The following IL1RAPL2 variants were observed in gnomAD, a reference collection of about 807,000 sequenced individuals.
The protein encoded by IL1RAPL2 is interleukin 1 receptor accessory protein like 2.
Under a neutral mutation model 44.1 loss-of-function variants are expected in IL1RAPL2, and 3 were observed. The observed-to-expected ratio is 0.07, with a 90% CI of 0.03 to 0.18. The LOEUF (loss-of-function observed/expected upper bound fraction) is 0.18. IL1RAPL2 is among the 10% of genes least tolerant of loss of function. IL1RAPL2 has a pLI of 1.00. For missense variants in IL1RAPL2, 391 were observed against 496.4 expected, an observed-to-expected ratio of 0.79 and a Z score of 2.02; for synonymous variants, 181 against 178.8, an observed-to-expected ratio of 1.01 and a Z score of -0.10.
intron 5 of IL1RAPL2, among the ~76,000 whole-genome samples, chrX:105,389,909 C>T (rs2035508534): frequency 9.0e-6 from 1 of 110,969 alleles, no homozygotes; most frequent in African/African-American, 3.3e-5. Flanking sequence ...CTCCCCACCA[C>T]TTCTCCCAAC....
chrX:105,121,953 A>G (rs771178279), intron 2 of IL1RAPL2, among the ~76,000 whole-genome samples: 270 of 111,078 alleles, frequency 2.4e-3, no homozygotes, highest in Non-Finnish European at 4.5e-3. Flanking sequence ...CACTCAGAAA[A>G]GTCATTTTAA....
chrX:105,315,915 G>A (rs2034837199), intron 5 of IL1RAPL2, among the ~76,000 whole-genome samples: 1 of 109,205 alleles, frequency 9.2e-6, no homozygotes, highest in South Asian at 4.1e-4. Context: ...TTTTGATGAG[G>A]CTGGTGAAAA....
In IL1RAPL2 at chrX:105,447,865, ATATAT is replaced by A. The variant is rs1263675099; in HGVS notation, c.698-36443_698-36439del. ...CATATAAATATATAAATATATATAAATATATTATACATATAAATATATAAATATAT... is the reference window on the plus strand; with the variant it reads ...CATATAAATATATAAATATATATAAATATACATATAAATATATAAATATAT... On this transcript the variant is annotated intron_variant, in intron 5 of 10. Transcript: ENST00000372582. 8.5e-5 allele frequency among the ~76,000 whole-genome samples: 8 copies of A among 93,602 alleles called. No homozygotes were observed. In the South Asian group the frequency reaches 2.3e-3, roughly 27 times the overall value. The allele number at this position is 93,602 out of a possible 115,157, so 81.3% of individuals were successfully genotyped here.
chrX:105,750,303 TCTCA>T (rs1179449785), intron 9 of IL1RAPL2, among the ~76,000 whole-genome samples: 1 of 90,308 alleles, frequency 1.1e-5, no homozygotes, highest in Non-Finnish European at 2.1e-5. Context: ...TGAGACAGAG[TCTCA>T]CTGTCACCCA....
At chrX:105,035,338 G>A (rs150463623) in intron 2 of IL1RAPL2, among the ~76,000 whole-genome samples, 109 of 112,008 alleles carry the variant, frequency 9.7e-4, no homozygotes, top group African/African-American at 3.3e-3. Context: ...TGTCACTCAC[G>A]CTAGGAGCTG....
intron 4 of IL1RAPL2, among the ~76,000 whole-genome samples, chrX:105,237,202 T>G (rs2034127739): frequency 8.9e-6 from 1 of 112,413 alleles, no homozygotes; most frequent in Non-Finnish European, 1.9e-5. Flanking sequence ...CTGCATAGTA[T>G]TCCATGGTGT....
At chrX:105,078,934 C>A (rs928465967) in intron 2 of IL1RAPL2, among the ~76,000 whole-genome samples, 2 of 112,254 alleles carry the variant, frequency 1.8e-5, no homozygotes, top group Non-Finnish European at 3.8e-5. Context: ...CTCTGTCACC[C>A]CTTTCTTTGA....
In IL1RAPL2 at chrX:104,908,195, G is replaced by GT. The variant is rs1323004666; in HGVS notation, c.82+249201dup. Among the ~76,000 whole-genome samples the GT allele has an allele frequency of 1.2e-4, 13 of 111,551 alleles. 1 individual carries two copies. The highest frequency in any genetic ancestry group is 2.3e-4 in the Non-Finnish European group (12 of 53,185). ...ATCCTTTTATTTTGAGCCTATGTGTGTCTCTGCACGTGAGATGGGTTTCCT... is the reference window on the plus strand; with the variant it reads ...ATCCTTTTATTTTGAGCCTATGTGTGTTCTCTGCACGTGAGATGGGTTTCCT... On this transcript the variant is annotated intron_variant, in intron 2 of 10. Transcript: ENST00000372582.
At chrX:104,905,888 C>T (rs1362414905) in intron 2 of IL1RAPL2, among the ~76,000 whole-genome samples, 1 of 110,395 alleles carries the variant, frequency 9.1e-6, no homozygotes, top group Non-Finnish European at 1.9e-5. Context: ...TATAAATTAC[C>T]TTGGGCAGTA....
intron 5 of IL1RAPL2, chrX:105,406,912 G>T: frequency 8.8e-7 from 1 of 1,142,388 alleles, no homozygotes; most frequent in Non-Finnish European, 1.2e-6. Context: ...AGCAACTCTG[G>T]CAGGAACTGA....
At chrX:105,363,308 A>ATATATAT (rs1491419366) in intron 5 of IL1RAPL2, among the ~76,000 whole-genome samples, 25 of 68,554 alleles carry the variant, frequency 3.6e-4, no homozygotes, top group African/African-American at 3.2e-3. Context: ...ATATATATAT[A>ATATATAT]ATATATATAT....
At chrX:105,453,260 CTT>C (rs1278279722) in intron 5 of IL1RAPL2, among the ~76,000 whole-genome samples, 12 of 112,129 alleles carry the variant, frequency 1.1e-4, no homozygotes, top group Admixed American at 1.0e-3. Flanking sequence ...AGGGTAAACT[CTT>C]GGTAAATATT....
At chrX:105,185,782 T>C (rs2033579804) in intron 2 of IL1RAPL2, among the ~76,000 whole-genome samples, 1 of 112,053 alleles carries the variant, frequency 8.9e-6, no homozygotes, top group African/African-American at 3.2e-5. Flanking sequence ...TTCAGATGTT[T>C]TAGAAAAGAT....
At chrX:105,033,201 T>C (rs185179596) in intron 2 of IL1RAPL2, among the ~76,000 whole-genome samples, 1 of 111,896 alleles carries the variant, frequency 8.9e-6, no homozygotes, top group Admixed American at 9.5e-5. Context: ...TGTCTCTTAA[T>C]TGGAGCATTT....
intron 2 of IL1RAPL2, among the ~76,000 whole-genome samples, chrX:105,099,536 C>T (rs1225396944): frequency 1.8e-4 from 18 of 99,243 alleles, no homozygotes; most frequent in African/African-American, 6.4e-4. Flanking sequence ...GCGATCTCCG[C>T]TCACTGCAAG....
At chrX:104,916,465 T>G (rs1924436695) in intron 2 of IL1RAPL2, among the ~76,000 whole-genome samples, 5 of 111,811 alleles carry the variant, frequency 4.5e-5, no homozygotes, top group South Asian at 7.5e-4. Context: ...GAGGAGATTT[T>G]GGGCTGAGAC....
intron 2 of IL1RAPL2, among the ~76,000 whole-genome samples, chrX:104,669,075 T>G (rs886600350): frequency 2.7e-5 from 3 of 111,588 alleles, no homozygotes; most frequent in African/African-American, 9.8e-5. Flanking sequence ...ACTGGCAAAT[T>G]TTACCTTTGG....
At chrX:104,858,772 A>G (rs1261468126) in intron 2 of IL1RAPL2, among the ~76,000 whole-genome samples, 1 of 112,045 alleles carries the variant, frequency 8.9e-6, no homozygotes, top group East Asian at 2.8e-4. Flanking sequence ...GATAATATGA[A>G]TGAAGTGGTA....
intron 2 of IL1RAPL2, among the ~76,000 whole-genome samples, chrX:105,029,450 G>A (rs772618012): frequency 4.8e-5 from 4 of 83,206 alleles, no homozygotes; most frequent in Non-Finnish European, 8.7e-5. Context: ...CCCTTCTTGT[G>A]TCCATGTGTT....
Sources: allele counts gnomAD v4.1 joint callset (sites outside exome capture counted in the v4.1 genomes callset), GRCh38; gene constraint gnomAD v4.1.1; transcripts MANE v1.5; gene names NCBI Gene and HGNC (gene_info 2026-07-23, HGNC 2026-07-21).